CBX3: variants seen among roughly 807,000 people sequenced by gnomAD.
The protein encoded by CBX3 is chromobox protein homolog 3.
Under a neutral mutation model 22.6 loss-of-function variants are expected in CBX3, and 5 were observed. That is an observed-to-expected ratio of 0.22 (90% CI 0.12 to 0.47). The LOEUF (loss-of-function observed/expected upper bound fraction) is 0.47, where lower values mean the gene tolerates loss of function less well. CBX3 is among the 20% of genes least tolerant of loss of function. CBX3 has a pLI of 0.99. For synonymous variants in CBX3, 50 were observed against 66.6 expected (o/e 0.75, Z 1.21); for missense variants, 83 against 208.1 (o/e 0.40, Z 3.70).
chr7:26,202,610 G>GTGA (rs1784560538), intron 1 of CBX3: 1 of 235,184 alleles, frequency 4.3e-6, no homozygotes, highest in Non-Finnish European at 8.2e-6. Flanking sequence ...CTTTACCGTT[G>GTGA]TGAGTTGTTT....
At chr7:26,202,739 A>C in intron 1 of CBX3, 1 of 495,840 alleles carries the variant, frequency 2.0e-6, no homozygotes, top group South Asian at 2.7e-5. Context: ...AGCCATGTGA[A>C]GCTGTTTTAG....
At chr7:26,208,618 T>TTTTG (rs769354936) in intron 4 of CBX3, 63 bp downstream of exon 4, 21 of 1,466,212 alleles carry the variant, frequency 1.4e-5, no homozygotes, top group Non-Finnish European at 2.0e-5. Context: ...TTGATTTCTT[T>TTTTG]TTTGTTTGTT....
chr7:26,208,579 A>G (rs775005053), intron 4 of CBX3, 24 bp downstream of exon 4: 1 of 1,561,566 alleles, frequency 6.4e-7, no homozygotes, highest in Non-Finnish European at 8.7e-7. Context: ...ATTGCCCACC[A>G]GCTTGTCCTT....
At chr7:26,208,582 T>A in intron 4 of CBX3, 27 bp downstream of exon 4, 1 of 1,558,186 alleles carries the variant, frequency 6.4e-7, no homozygotes, top group East Asian at 2.3e-5. Context: ...GCCCACCAGC[T>A]TGTCCTTTTG....
intron 2 of CBX3, among the ~76,000 whole-genome samples, chr7:26,204,590 A>G (rs780020856): frequency 6.6e-6 from 1 of 152,204 alleles, no homozygotes; most frequent in Non-Finnish European, 1.5e-5. Flanking sequence ...ATATGCTTGC[A>G]TAGCTTGAAA....
intron 4 of CBX3, among the ~76,000 whole-genome samples, chr7:26,209,503 A>G (rs1784758188): frequency 6.6e-6 from 1 of 152,258 alleles, no homozygotes; most frequent in Admixed American, 6.5e-5. Context: ...AACAACGCAA[A>G]TAGAACTTTC....
chr7:26,204,169 C>T (rs539726420), intron 2 of CBX3, among the ~76,000 whole-genome samples: 1 of 151,074 alleles, frequency 6.6e-6, no homozygotes, highest in South Asian at 2.1e-4. Flanking sequence ...AAATAGTGAG[C>T]ATTTGAAACT....
chr7:26,203,779 G>GT (rs1460303586), intron 2 of CBX3, among the ~76,000 whole-genome samples: 1 of 152,144 alleles, frequency 6.6e-6, no homozygotes, highest in Non-Finnish European at 1.5e-5. Context: ...TAAAGCATTT[G>GT]TTTTTGGCTT....
At position 26,213,514 on chromosome 7, in the gene CBX3, G is replaced by A. The variant is rs1469847870; in HGVS notation, c.*1306G>A. Among the ~76,000 whole-genome samples the A allele has an allele frequency of 1.3e-5, 2 of 152,098 alleles. No homozygotes were observed. The highest frequency in any genetic ancestry group is 2.4e-5 in the African/African-American group (1 of 41,410). ...GCTTACGAGTTTTAAACTTGAATAT[G>A]TATTTCCACAGGAATGTTTCCACAG... On this transcript the variant is annotated 3_prime_UTR_variant, in exon 6 of 6. Transcript: ENST00000396386.
intron 3 of CBX3, 154 bp from the exon 4 acceptor site, chr7:26,208,239 G>T (rs919345025): frequency 5.9e-6 from 3 of 512,198 alleles, no homozygotes; most frequent in Non-Finnish European, 3.4e-6. Flanking sequence ...GGCAGGCTGG[G>T]GGGTGGGGTA....
intron 1 of CBX3, chr7:26,202,264 A>G (rs1584031173): frequency 6.6e-6 from 1 of 151,816 alleles, no homozygotes; most frequent in Non-Finnish European, 1.5e-5. Flanking sequence ...CCGCCCAGTT[A>G]ACGTGGCCGC....
intron 2 of CBX3, among the ~76,000 whole-genome samples, chr7:26,203,918 G>C (rs776523488): frequency 2.0e-5 from 3 of 152,128 alleles, no homozygotes; most frequent in African/African-American, 7.2e-5. Flanking sequence ...GTTTACCCTG[G>C]AAAACAGAAG....
Position 26,203,038 on chromosome 7 carries a change from C to T in CBX3, c.24+16C>T, listed in dbSNP as rs1345838451. The T allele has an allele frequency of 1.3e-6, 2 of 1,485,680 alleles. No homozygotes were observed. The highest frequency in any genetic ancestry group is 1.8e-6 in the Non-Finnish European group (2 of 1,103,284). 92.0% of individuals were successfully genotyped at this position (1,485,680 alleles called of 1,614,324 possible). A position where few individuals can be genotyped will look rare whatever the true frequency, so the allele number is the denominator to read the frequency against. Reference sequence around the variant, plus strand: ...AACTACATTGGTAAGTTAATGAAAACCTAAAATATGTAAGGATTTAACTCA... The same window carrying T: ...AACTACATTGGTAAGTTAATGAAAATCTAAAATATGTAAGGATTTAACTCA... On this transcript the variant is annotated intron_variant, in intron 2 of 5. Transcript: ENST00000396386.
intron 4 of CBX3, 47 bp downstream of exon 4, chr7:26,208,602 G>A: frequency 6.6e-7 from 1 of 1,504,682 alleles, no homozygotes. Context: ...GTAAAAGGTT[G>A]ATGGCTTGAT....
At chr7:26,207,676 G>C (rs761212365) in intron 3 of CBX3, among the ~76,000 whole-genome samples, 10 of 151,938 alleles carry the variant, frequency 6.6e-5, no homozygotes, top group Non-Finnish European at 1.3e-4. Flanking sequence ...CTGCCACTAT[G>C]CCCGGCTAAT....
upstream of CBX3, chr7:26,201,542 C>G (rs1016296957): frequency 5.9e-5 from 9 of 151,796 alleles, no homozygotes; most frequent in South Asian, 4.2e-4. Flanking sequence ...TGGGGACCAC[C>G]GGGCGCCACG....
chr7:26,208,089 T>G, intron 3 of CBX3: 1 of 190,120 alleles, frequency 5.3e-6, no homozygotes, highest in Non-Finnish European at 1.1e-5. Flanking sequence ...TAGCTGGGCA[T>G]GGTGGTGCAT....
At chr7:26,203,368 T>G (rs1010862658) in intron 2 of CBX3, among the ~76,000 whole-genome samples, 2 of 152,204 alleles carry the variant, frequency 1.3e-5, no homozygotes, top group African/African-American at 4.8e-5. Context: ...TAATTTTTCT[T>G]AAATCCCCAG....
rs1186777089 is a variant in CBX3 at position 26,212,169 on chromosome 7, A to G, written c.513A>G (p.Arg171=). 1.9e-6 allele frequency: 3 copies of G among 1,554,382 alleles called. No individual in the cohort carries two copies. The highest frequency in any genetic ancestry group is 1.4e-5 in the African/African-American group (1 of 73,134). Residue 171 remains arginine, a synonymous_variant, in exon 6 of 6, where the codon AGA becomes AGG. Coordinates refer to ENST00000396386, the MANE Select transcript of CBX3 (RefSeq NM_016587.4). ...TTGTAATTGCTTTTTATGAAGAGAG[A>G]CTAACTTGGCATTCTTGTCCAGAAG... is the stretch of plus-strand genomic sequence containing the variant. ...PQIVIAFYEE[R]LTWHSCPEDE... is the part of the protein sequence containing the mutation.
Sources: gnomAD v4.1 joint callset for allele counts (sites outside exome capture counted in the v4.1 genomes callset) on GRCh38, gnomAD v4.1.1 for gene constraint, MANE v1.5 for transcripts, NCBI Gene and HGNC (gene_info 2026-07-23, HGNC 2026-07-21) for gene names.